The following PTP4A3 variants were observed in gnomAD, a reference collection of about 807,000 sequenced individuals.
The protein encoded by PTP4A3 is protein tyrosine phosphatase type IVA 3.
A neutral mutation model predicts 15.2 loss-of-function variants in PTP4A3; 9 were observed. The ratio of observed to expected loss-of-function variants is 0.59; its 90% CI spans 0.36 to 1.03. The LOEUF is 1.03. Ranked by LOEUF, PTP4A3 falls within the 50% of genes least tolerant of loss-of-function variation. PTP4A3 has a pLI of 0.02. For synonymous variants in PTP4A3, 95 were observed against 102.0 expected (o/e 0.93, Z 0.41); for missense variants, 234 against 252.1 (o/e 0.93, Z 0.49).
chr8:141,412,180 C>G (rs1244684675), intron 1 of PTP4A3, among the ~76,000 whole-genome samples: 1 of 152,236 alleles, frequency 6.6e-6, no homozygotes, highest in Non-Finnish European at 1.5e-5. Context: ...TTTTCTGTGA[C>G]ACAGCAGAGG....
chr8:141,418,947 A>G (rs1833190289), intron 1 of PTP4A3, among the ~76,000 whole-genome samples: 1 of 152,104 alleles, frequency 6.6e-6, no homozygotes. Flanking sequence ...CCAGGGCATC[A>G]TTGCTTTGCT....
intron 3 of PTP4A3, chr8:141,426,666 T>C (rs557673450): frequency 1.0e-6 from 1 of 985,382 alleles, no homozygotes; most frequent in East Asian, 1.1e-4. Context: ...TGGAGCAGGC[T>C]CTATTCAGAA....
At chr8:141,415,988 G>A (rs2130005400) in intron 1 of PTP4A3, among the ~76,000 whole-genome samples, 1 of 152,132 alleles carries the variant, frequency 6.6e-6, no homozygotes, top group South Asian at 2.1e-4. Context: ...CTCCTGCCTG[G>A]TTATAAATAG....
chr8:141,402,762 T>A (rs1832625958), intron 1 of PTP4A3, among the ~76,000 whole-genome samples: 1 of 147,220 alleles, frequency 6.8e-6, no homozygotes, highest in African/African-American at 2.5e-5. Context: ...TCTCATCCCT[T>A]TAGAAGGTGC....
chr8:141,422,593 G>A (rs1586561271), intron 2 of PTP4A3, among the ~76,000 whole-genome samples: 2 of 152,268 alleles, frequency 1.3e-5, no homozygotes, highest in South Asian at 4.1e-4. Context: ...GGGCTGGCGT[G>A]TGATAGGAGG....
At chr8:141,392,941 CT>C (rs34619495) in intron 1 of PTP4A3, among the ~76,000 whole-genome samples, 33,772 of 152,086 alleles carry the variant, frequency 0.22, 4,519 homozygotes, top group East Asian at 0.6. Context: ...GCTGCACCCC[CT>C]CTCTCTGCCT....
chr8:141,392,845 A>G (rs114920005), intron 1 of PTP4A3, among the ~76,000 whole-genome samples: 2,438 of 152,274 alleles, frequency 0.016, 72 homozygotes, highest in African/African-American at 0.056. Context: ...GCCCTCTGTG[A>G]TAGCGGCTCC....
chr8:141,424,682 G>T (rs563787957), intron 2 of PTP4A3, among the ~76,000 whole-genome samples: 1 of 152,212 alleles, frequency 6.6e-6, no homozygotes, highest in South Asian at 2.1e-4. Context: ...CAGTTACCGT[G>T]AATGTAGGTG....
chr8:141,411,178 G>C (rs555052128), intron 1 of PTP4A3, among the ~76,000 whole-genome samples: 8 of 152,316 alleles, frequency 5.3e-5, no homozygotes, highest in African/African-American at 1.9e-4. Flanking sequence ...CGCTTTTTCT[G>C]CCCCCTCTTG....
chr8:141,422,274 G>T lies in PTP4A3; in HGVS notation c.34G>T (p.Val12Leu). ...GATGAACCGCCCGGCCCCGGTGGAG[G>T]TGAGCTACAAACACATGCGCTTCCT... is the stretch of plus-strand genomic sequence containing the variant. ...ARMNRPAPVE[V>L]SYKHMRFLIT... Residue 12 changes from valine (V) to leucine (L), a missense_variant, in exon 2 of 6, where the codon GTG (valine) becomes TTG (leucine). By Grantham distance (32) the Val-to-Leu change is conservative. Transcript: ENST00000521578. 6.2e-7 allele frequency: 1 copy of T among 1,613,242 alleles called. No homozygotes were observed. Among genetic ancestry groups the T allele is most frequent in the Non-Finnish European group, 8.5e-7 (1 of 1,179,992 alleles).
At chr8:141,408,123 G>A (rs1406378659) in intron 1 of PTP4A3, among the ~76,000 whole-genome samples, 1 of 152,160 alleles carries the variant, frequency 6.6e-6, no homozygotes, top group African/African-American at 2.4e-5. Context: ...AGAGGGCCAC[G>A]TGGTGTGTGA....
intron 1 of PTP4A3, among the ~76,000 whole-genome samples, chr8:141,418,709 G>A (rs1165653581): frequency 6.6e-6 from 1 of 152,190 alleles, no homozygotes; most frequent in African/African-American, 2.4e-5. Flanking sequence ...CGGGCCTGGT[G>A]GGGGTGGTAG....
intron 1 of PTP4A3, among the ~76,000 whole-genome samples, chr8:141,416,402 GGT>G (rs1246030587): frequency 1.3e-5 from 2 of 152,174 alleles, no homozygotes; most frequent in African/African-American, 2.4e-5. Context: ...CAGTGTGGCA[GGT>G]GTGTGTCTTG....
At chr8:141,404,150 A>G (rs1028781955) in intron 1 of PTP4A3, among the ~76,000 whole-genome samples, 4 of 152,222 alleles carry the variant, frequency 2.6e-5, no homozygotes, top group Admixed American at 2.0e-4. Context: ...GAAAACCCAC[A>G]CAGACCTGGG....
chr8:141,404,893 C>T (rs919041796), intron 1 of PTP4A3, among the ~76,000 whole-genome samples: 1 of 152,210 alleles, frequency 6.6e-6, no homozygotes, highest in Non-Finnish European at 1.5e-5. Flanking sequence ...GCCTGGCACT[C>T]AGGCTGCCAG....
chr8:141,424,946 T>G (rs1833497414), intron 2 of PTP4A3, 102 bp from the exon 3 acceptor site: 12 of 960,562 alleles, frequency 1.2e-5, no homozygotes, highest in Middle Eastern at 2.6e-4. Context: ...TGGGTGACTG[T>G]GGGGGACACA....
At position 141,431,069 on chromosome 8, in the gene PTP4A3, C is replaced by T. The variant is rs550335487; in HGVS notation, c.*25C>T. The T allele has an allele frequency of 1.4e-5, 22 of 1,608,036 alleles. No individual in the cohort carries two copies. Among genetic ancestry groups the T allele is most frequent in the East Asian group, 1.3e-4 (6 of 44,846 alleles). On this transcript the variant is annotated 3_prime_UTR_variant, in exon 6 of 6. Coordinates refer to ENST00000521578, the MANE Select transcript of PTP4A3 (RefSeq NM_032611.3). ...GCTCAGGACCTTGGCTGGGCCTGGT[C>T]GTCATGTAGGTCAGGACCTTGGCTG...
At chr8:141,393,128 G>A (rs1053929883) in intron 1 of PTP4A3, among the ~76,000 whole-genome samples, 3 of 152,186 alleles carry the variant, frequency 2.0e-5, no homozygotes, top group Non-Finnish European at 4.4e-5. Flanking sequence ...TGGCAGCCCT[G>A]TGCAGAGCCG....
intron 5 of PTP4A3, among the ~76,000 whole-genome samples, chr8:141,428,482 A>G (rs1267012396): frequency 1.3e-5 from 2 of 152,120 alleles, no homozygotes; most frequent in South Asian, 2.1e-4. Flanking sequence ...CCAGCCCACC[A>G]TGTGTGTGCC....
Sources: allele counts gnomAD v4.1 joint callset (sites outside exome capture counted in the v4.1 genomes callset), GRCh38; gene constraint gnomAD v4.1.1; transcripts MANE v1.5; gene names NCBI Gene and HGNC (gene_info 2026-07-23, HGNC 2026-07-21).